BICC1: variants seen among roughly 807,000 people sequenced by gnomAD.
The protein encoded by BICC1 is BicC family RNA binding protein 1, also known as protein bicaudal C homolog 1.
A neutral mutation model predicts 111.0 loss-of-function variants in BICC1; 43 were observed. The ratio of observed to expected loss-of-function variants is 0.39; its 90% CI spans 0.30 to 0.50. The LOEUF (loss-of-function observed/expected upper bound fraction) is 0.50. Among genes scored for constraint, BICC1 ranks in the 20% least tolerant of loss-of-function variants. The probability of loss-of-function intolerance (pLI) is 0.88; values close to 1 mark genes in which losing one functional copy is unlikely to be tolerated. For missense variants in BICC1, 1,091 were observed against 1,203.2 expected, an observed-to-expected ratio of 0.91 and a Z score of 1.38; for synonymous variants, 467 against 434.4, an observed-to-expected ratio of 1.07 and a Z score of -0.93.
At chr10:58,628,519 C>T (rs977306533) in intron 2 of BICC1, among the ~76,000 whole-genome samples, 47 of 152,090 alleles carry the variant, frequency 3.1e-4, no homozygotes, top group African/African-American at 9.4e-4. Flanking sequence ...CATCTCTGTG[C>T]CTTCTTTTCT....
At chr10:58,550,616 G>T (rs1019779240) in intron 1 of BICC1, among the ~76,000 whole-genome samples, 1 of 152,058 alleles carries the variant, frequency 6.6e-6, no homozygotes, top group South Asian at 2.1e-4. Context: ...TAAAATATAA[G>T]GTCCAAGTCC....
chr10:58,716,164 C>G (rs761491238), intron 3 of BICC1: 14 of 1,498,782 alleles, frequency 9.3e-6, no homozygotes, highest in Non-Finnish European at 1.3e-5. Flanking sequence ...TGAGGAGGTG[C>G]GAGCAAAAAA....
chr10:58,714,049 C>T (rs1840659026), intron 3 of BICC1, among the ~76,000 whole-genome samples: 1 of 152,112 alleles, frequency 6.6e-6, no homozygotes, highest in African/African-American at 2.4e-5. Context: ...AGCCGAGGGC[C>T]GCTGCTAAAC....
intron 1 of BICC1, among the ~76,000 whole-genome samples, chr10:58,586,617 TCA>T (rs1564499069): frequency 3.1e-5 from 1 of 32,574 alleles, no homozygotes; most frequent in African/African-American, 1.1e-4. Context: ...TCACTCTCTC[TCA>T]AAAAAAAAAA....
intron 3 of BICC1, among the ~76,000 whole-genome samples, chr10:58,777,495 T>C (rs867808984): frequency 3.9e-5 from 6 of 152,146 alleles, no homozygotes; most frequent in Admixed American, 2.0e-4. Context: ...GGTAAACCAT[T>C]CACAGGCTCC....
chr10:58,542,725 T>A (rs1843026788), intron 1 of BICC1, among the ~76,000 whole-genome samples: 1 of 152,016 alleles, frequency 6.6e-6, no homozygotes, highest in Non-Finnish European at 1.5e-5. Context: ...AGATATACAG[T>A]TAGCCAACAA....
chr10:58,556,866 T>C (rs1336761362), intron 1 of BICC1, among the ~76,000 whole-genome samples: 1 of 152,036 alleles, frequency 6.6e-6, no homozygotes, highest in Non-Finnish European at 1.5e-5. Context: ...TGCATTACTA[T>C]TTTTTATTCT....
At chr10:58,681,542 A>G (rs567422658) in intron 2 of BICC1, among the ~76,000 whole-genome samples, 2 of 152,336 alleles carry the variant, frequency 1.3e-5, no homozygotes, top group East Asian at 3.9e-4. Context: ...GAATGGTTCT[A>G]TACTGTTGGT....
intron 3 of BICC1, among the ~76,000 whole-genome samples, chr10:58,733,023 T>TAA (rs58357339): frequency 9.0e-4 from 135 of 149,420 alleles, no homozygotes; most frequent in Admixed American, 2.4e-3. Flanking sequence ...TAAATTTGTT[T>TAA]AAAAAAAAAG....
chr10:58,588,407 C>T lies in BICC1; in HGVS notation c.191-32448C>T, dbSNP rs140382535. Among the ~76,000 whole-genome samples the T allele has an allele frequency of 6.0e-3, 912 of 152,238 alleles. 5 individuals are homozygous for T. The highest frequency in any genetic ancestry group is 9.9e-3 in the Non-Finnish European group (673 of 68,012). ...ACCGAGTATTTGGGGTCCTCATATG[C>T]ATCAGTCACTTTGTTTTACAGGAAG... On this transcript the variant is annotated intron_variant, in intron 1 of 20. Transcript: ENST00000373886.
intron 12 of BICC1, 38 bp downstream of exon 12, chr10:58,799,290 C>T: frequency 6.7e-7 from 1 of 1,481,648 alleles, no homozygotes; most frequent in Non-Finnish European, 9.1e-7. Context: ...GTGATCTGTA[C>T]TGTTTGTAAG....
At chr10:58,581,141 G>A (rs1844269634) in intron 1 of BICC1, among the ~76,000 whole-genome samples, 1 of 152,082 alleles carries the variant, frequency 6.6e-6, no homozygotes, top group Non-Finnish European at 1.5e-5. Flanking sequence ...TCTCTTTGTA[G>A]CTCTGCTTTT....
chr10:58,542,304 TG>T (rs1399362463), intron 1 of BICC1, among the ~76,000 whole-genome samples: 1 of 151,842 alleles, frequency 6.6e-6, no homozygotes, highest in East Asian at 1.9e-4. Flanking sequence ...CTTCAACAGA[TG>T]ATGTTGGAAA....
intron 15 of BICC1, among the ~76,000 whole-genome samples, chr10:58,804,207 G>A (rs1344194642): frequency 6.6e-6 from 1 of 152,060 alleles, no homozygotes; most frequent in African/African-American, 2.4e-5. Flanking sequence ...CCTTTATAAT[G>A]TGTCAGTGTT....
chr10:58,803,326 G>A (rs1843612600), intron 15 of BICC1, 84 bp downstream of exon 15: 6 of 1,208,838 alleles, frequency 5.0e-6, no homozygotes, highest in South Asian at 2.5e-5. Context: ...TTCAGCAGTA[G>A]TGCAGAAATT....
chr10:58,786,916 C>G lies in BICC1; in HGVS notation c.388-7C>G, dbSNP rs756480966. ...ACATCAAGTAATAATACATTATTTT[C>G]ACATAGAGCAATCGAGTCACACTGA... On this transcript the variant is annotated splice_polypyrimidine_tract_variant and splice_region_variant and intron_variant, in intron 4 of 20. Transcript: ENST00000373886. The G allele has an allele frequency of 1.9e-6, 3 of 1,563,418 alleles. No individual in the cohort carries two copies. The highest frequency in any genetic ancestry group is 2.6e-6 in the Non-Finnish European group (3 of 1,161,232).
chr10:58,768,166 A>G (rs1033478258), intron 3 of BICC1, among the ~76,000 whole-genome samples: 1 of 152,182 alleles, frequency 6.6e-6, no homozygotes, highest in Non-Finnish European at 1.5e-5. Flanking sequence ...TCAATAATCA[A>G]TGACAGAGAA....
At chr10:58,731,101 C>T (rs1439844958) in intron 3 of BICC1, among the ~76,000 whole-genome samples, 4 of 152,194 alleles carry the variant, frequency 2.6e-5, no homozygotes, top group Non-Finnish European at 5.9e-5. Context: ...AGGCTATATA[C>T]TTGAATGTTT....
At chr10:58,771,544 C>T (rs1422444968) in intron 3 of BICC1, among the ~76,000 whole-genome samples, 1 of 152,030 alleles carries the variant, frequency 6.6e-6, no homozygotes, top group East Asian at 1.9e-4. Flanking sequence ...TTACTTTGCA[C>T]TGGAGGGGCC....
Sources: allele counts gnomAD v4.1 joint callset (sites outside exome capture counted in the v4.1 genomes callset), GRCh38; gene constraint gnomAD v4.1.1; transcripts MANE v1.5; gene names NCBI Gene and HGNC (gene_info 2026-07-23, HGNC 2026-07-21).